The following DGKI variants were observed in gnomAD, a reference collection of about 807,000 sequenced individuals.
DGKI encodes the protein DAG kinase iota.
Under a neutral mutation model 147.5 loss-of-function variants are expected in DGKI, and 55 were observed. That is an observed-to-expected ratio of 0.37 (90% CI 0.30 to 0.47). The LOEUF (loss-of-function observed/expected upper bound fraction) is 0.47, where lower values mean the gene tolerates loss of function less well. DGKI is among the 20% of genes least tolerant of loss of function. DGKI has a pLI of 1.00. For synonymous variants in DGKI, 469 were observed against 477.1 expected, an observed-to-expected ratio of 0.98 and a Z score of 0.22; for missense variants, 1,007 against 1,323.8, an observed-to-expected ratio of 0.76 and a Z score of 3.71.
intron 3 of DGKI, among the ~76,000 whole-genome samples, chr7:137,672,414 T>G (rs765017508): frequency 5.4e-4 from 82 of 152,194 alleles, no homozygotes; most frequent in Non-Finnish European, 1.8e-4. Context: ...ATGATGAGTA[T>G]GAGTCCTAGG....
chr7:137,412,314 G>C lies in DGKI; in HGVS notation c.2762-107C>G, dbSNP rs963818887. 4 of 1,037,930 alleles carry C rather than the reference G, an allele frequency of 3.9e-6. No homozygotes were observed. In the South Asian group the frequency reaches 5.3e-5, roughly 14 times the overall value. The allele number at this position is 1,037,930 out of a possible 1,614,324, so 64.3% of individuals were successfully genotyped here. A position where few individuals can be genotyped will look rare whatever the true frequency, so the allele number is the denominator to read the frequency against. ...GATAAGTAGTCTACATTTGGGGCAG[G>C]AATCAGGGAAGGAAAATATCTTGGT... On this transcript the variant is annotated intron_variant, in intron 28 of 32. Coordinates refer to ENST00000614521, the MANE Select transcript of DGKI (RefSeq NM_001321708.2).
intron 1 of DGKI, among the ~76,000 whole-genome samples, chr7:137,808,035 T>G (rs1797436112): frequency 6.6e-6 from 1 of 152,240 alleles, no homozygotes; most frequent in Admixed American, 6.5e-5. Flanking sequence ...GACCACACTT[T>G]GTTATGAAGC....
chr7:137,533,603 C>T (rs1006804774), intron 20 of DGKI, among the ~76,000 whole-genome samples: 2 of 152,032 alleles, frequency 1.3e-5, no homozygotes, highest in Admixed American at 6.6e-5. Context: ...TCCTGGACAA[C>T]AAAATAACAT....
intron 1 of DGKI, among the ~76,000 whole-genome samples, chr7:137,782,983 C>T (rs1374573736): frequency 4.6e-5 from 7 of 152,154 alleles, no homozygotes; most frequent in Non-Finnish European, 7.4e-5. Context: ...TAAACAGCAG[C>T]GCTTGAAGCC....
At chr7:137,723,068 A>G (rs1794615445) in intron 1 of DGKI, among the ~76,000 whole-genome samples, 1 of 152,176 alleles carries the variant, frequency 6.6e-6, no homozygotes, top group African/African-American at 2.4e-5. Context: ...GTGAGGATTA[A>G]ATCAGTTAGA....
At chr7:137,645,707 C>T (rs1821801158) in intron 5 of DGKI, among the ~76,000 whole-genome samples, 170 bp from the exon 6 acceptor site, 1 of 152,192 alleles carries the variant, frequency 6.6e-6, no homozygotes, top group Non-Finnish European at 1.5e-5. Context: ...GTGGGAACTA[C>T]AGGCATGAGC....
chr7:137,482,365 T>C (rs1224990605), intron 23 of DGKI, among the ~76,000 whole-genome samples: 2 of 151,848 alleles, frequency 1.3e-5, no homozygotes, highest in Non-Finnish European at 2.9e-5. Flanking sequence ...TCTTGACTCA[T>C]GAATAAACAT....
At chr7:137,627,000 T>C (rs1262427005) in intron 6 of DGKI, among the ~76,000 whole-genome samples, 2 of 152,220 alleles carry the variant, frequency 1.3e-5, no homozygotes, top group African/African-American at 4.8e-5. Context: ...CTGACATCTA[T>C]CTTCCACTCC....
intron 2 of DGKI, among the ~76,000 whole-genome samples, chr7:137,689,247 C>CCTTT (rs1823524961): frequency 6.6e-6 from 1 of 152,174 alleles, no homozygotes; most frequent in South Asian, 2.1e-4. Flanking sequence ...AGGGACAAAG[C>CCTTT]CTTTGGGTCT....
chr7:137,639,077 C>T (rs79832752), intron 6 of DGKI, among the ~76,000 whole-genome samples: 1 of 151,860 alleles, frequency 6.6e-6, no homozygotes, highest in African/African-American at 2.4e-5. Flanking sequence ...TTTAGATTTG[C>T]TTTTCTGATT....
intron 3 of DGKI, among the ~76,000 whole-genome samples, chr7:137,660,898 G>T (rs1822402229): frequency 6.6e-6 from 1 of 151,668 alleles, no homozygotes; most frequent in Non-Finnish European, 1.5e-5. Context: ...GAGAAGAGGG[G>T]TGGGTCCTTC....
In DGKI at chr7:137,599,701, A is replaced by G. The variant is rs537813397; in HGVS notation, c.1250+122T>C. ...GATGAAGTTTTAAAGGAAGGAGAGT[A>G]CAGGTGAGAAGGTAGATGACAGATG... is the stretch of plus-strand genomic sequence containing the variant. On this transcript the variant is annotated intron_variant, in intron 11 of 32. Coordinates refer to ENST00000614521, the MANE Select transcript of DGKI (RefSeq NM_001321708.2). The G allele has an allele frequency of 2.4e-5, 19 of 794,436 alleles. No individual in the cohort carries two copies. The East Asian group carries it at 4.8e-4, about 20-fold the overall frequency. The allele number at this position is 794,436 out of a possible 1,614,324, so 49.2% of individuals were successfully genotyped here.
chr7:137,467,992 A>G (rs1161668677), intron 24 of DGKI, among the ~76,000 whole-genome samples: 2 of 135,852 alleles, frequency 1.5e-5, no homozygotes, highest in Middle Eastern at 3.4e-3. Flanking sequence ...CTCAAAAAAG[A>G]AAAAAAAAAA....
intron 1 of DGKI, among the ~76,000 whole-genome samples, chr7:137,735,225 C>T (rs1360959620): frequency 6.6e-6 from 1 of 152,090 alleles, no homozygotes; most frequent in Non-Finnish European, 1.5e-5. Context: ...GGGCTTCTAC[C>T]TATATGTTCA....
chr7:137,751,703 CT>C (rs1219341070), intron 1 of DGKI, among the ~76,000 whole-genome samples: 2 of 152,150 alleles, frequency 1.3e-5, no homozygotes, highest in Non-Finnish European at 2.9e-5. Flanking sequence ...ATATTTTAAG[CT>C]TTGTTGGCCA....
At chr7:137,483,053 GA>G (rs1323347342) in intron 23 of DGKI, among the ~76,000 whole-genome samples, 1 of 151,980 alleles carries the variant, frequency 6.6e-6, no homozygotes, top group Non-Finnish European at 1.5e-5. Context: ...GCAATATTTT[GA>G]CATAGAAAAA....
intron 29 of DGKI, 34 bp from the exon 30 acceptor site, chr7:137,408,029 C>T: frequency 6.2e-7 from 1 of 1,612,122 alleles, no homozygotes; most frequent in Non-Finnish European, 8.5e-7. Context: ...GAAGCTCAGG[C>T]AGAATTCGGA....
At chr7:137,678,050 T>C (rs1336521289) in intron 3 of DGKI, among the ~76,000 whole-genome samples, 1 of 152,200 alleles carries the variant, frequency 6.6e-6, no homozygotes, top group Non-Finnish European at 1.5e-5. Context: ...TGATTGTTTA[T>C]ATTATTTCTA....
rs553494170 is a variant in DGKI at position 137,542,975 on chromosome 7, G to T, written c.2147+9394C>A. Among the ~76,000 whole-genome samples, 6 of 152,214 alleles carry T rather than the reference G, an allele frequency of 3.9e-5. No individual in the cohort carries two copies. The East Asian group carries it at 1.2e-3, about 29-fold the overall frequency. Reference sequence around the variant, plus strand: ...AAACACTCAATAATGTTTGTTTAAAGATGAAAGCAATGAATAAATTAGGTG... The same window carrying T: ...AAACACTCAATAATGTTTGTTTAAATATGAAAGCAATGAATAAATTAGGTG... On this transcript the variant is annotated intron_variant, in intron 20 of 32. Transcript: ENST00000614521.
Sources: gnomAD v4.1 joint callset for allele counts (sites outside exome capture counted in the v4.1 genomes callset) on GRCh38, gnomAD v4.1.1 for gene constraint, MANE v1.5 for transcripts, NCBI Gene and HGNC (gene_info 2026-07-23, HGNC 2026-07-21) for gene names.